CSMD1: variants seen among roughly 807,000 people sequenced by gnomAD.
The protein encoded by CSMD1 is CUB and sushi domain-containing protein 1.
CSMD1 carries 213 observed loss-of-function variants against 417.5 expected under a neutral mutation model. The ratio of observed to expected loss-of-function variants is 0.51; its 90% CI spans 0.46 to 0.57. The LOEUF (loss-of-function observed/expected upper bound fraction) is 0.57, where lower values mean the gene tolerates loss of function less well. Ranked by LOEUF, CSMD1 falls within the 20% of genes least tolerant of loss-of-function variation. The pLI is 0.00. For missense variants in CSMD1, 6,923 were observed against 4,529.7 expected (o/e 1.53, Z -15.17); for synonymous variants, 2,862 against 1,736.8 (o/e 1.65, Z -16.11).
chr8:3,934,304 G>A (rs1472515093), intron 5 of CSMD1, among the ~76,000 whole-genome samples: 1 of 152,050 alleles, frequency 6.6e-6, no homozygotes, highest in Admixed American at 6.6e-5. Context: ...TGCCTACTAT[G>A]TATAAATGAA....
intron 3 of CSMD1, among the ~76,000 whole-genome samples, chr8:4,307,719 G>C (rs953879156): frequency 6.6e-6 from 1 of 152,166 alleles, no homozygotes; most frequent in African/African-American, 2.4e-5. Flanking sequence ...TCTTGACCAT[G>C]AGTGGGAATG....
chr8:4,457,003 C>G (rs1328985620), intron 2 of CSMD1, among the ~76,000 whole-genome samples: 1 of 132,332 alleles, frequency 7.6e-6, no homozygotes, highest in East Asian at 2.3e-4. Context: ...AAAAAAACAA[C>G]AAGAAAAGAA....
At chr8:4,714,604 T>C (rs1159766143) in intron 1 of CSMD1, among the ~76,000 whole-genome samples, 1 of 150,302 alleles carries the variant, frequency 6.7e-6, no homozygotes, top group African/African-American at 2.5e-5. Context: ...ACAGCTGAGA[T>C]TCAAATTCAC....
intron 2 of CSMD1, among the ~76,000 whole-genome samples, chr8:4,498,823 G>T (rs1379662919): frequency 6.6e-6 from 1 of 152,022 alleles, no homozygotes; most frequent in African/African-American, 2.4e-5. Context: ...CTGGAGACTT[G>T]GCAGCTAAGG....
At chr8:3,876,814 G>A (rs1023033729) in intron 5 of CSMD1, among the ~76,000 whole-genome samples, 3 of 152,168 alleles carry the variant, frequency 2.0e-5, no homozygotes, top group Admixed American at 6.5e-5. Flanking sequence ...GTTTCACCAT[G>A]TTGCCCAAGG....
chr8:3,758,355 G>A (rs918232799), intron 5 of CSMD1, among the ~76,000 whole-genome samples: 1 of 152,188 alleles, frequency 6.6e-6, no homozygotes, highest in Non-Finnish European at 1.5e-5. Flanking sequence ...CAAATGAATT[G>A]TACCCCGAAG....
chr8:3,058,318 C>T (rs1229538166), intron 49 of CSMD1, among the ~76,000 whole-genome samples: 1 of 152,140 alleles, frequency 6.6e-6, no homozygotes, highest in Non-Finnish European at 1.5e-5. Flanking sequence ...AATGCTGCTT[C>T]AACAGATCTG....
At chr8:3,334,778 G>A (rs1238870357) in intron 23 of CSMD1, among the ~76,000 whole-genome samples, 1 of 152,168 alleles carries the variant, frequency 6.6e-6, no homozygotes, top group Non-Finnish European at 1.5e-5. Context: ...AGTAAGTAGA[G>A]TGGGACTTCC....
At position 3,162,237 on chromosome 8, in the gene CSMD1, G is replaced by A; in HGVS notation, c.5766C>T (p.Ser1922=). The A allele has an allele frequency of 1.9e-6, 3 of 1,610,908 alleles. No individual in the cohort carries two copies. The highest frequency in any genetic ancestry group is 2.5e-6 in the Non-Finnish European group (3 of 1,178,598). The change falls in exon 38 of 70, where the codon AGC becomes AGT. Residue 1922 remains serine, a synonymous_variant. Coordinates refer to ENST00000635120, the MANE Select transcript of CSMD1 (RefSeq NM_033225.6). ...ACCGATCTCCGATTTTGATGCTGTT[G>A]CTGGGGAGGGCTGGTTCTTGGCATG... ...LAACQEPALP[S]NSIKIGDRYM... is the part of the protein sequence containing the mutation.
intron 3 of CSMD1, among the ~76,000 whole-genome samples, chr8:4,397,793 A>G (rs1463006704): frequency 1.3e-5 from 2 of 152,152 alleles, no homozygotes; most frequent in African/African-American, 4.8e-5. Context: ...ATGTATCTCA[A>G]TATTACATGC....
At chr8:4,764,627 G>T (rs1466748441) in intron 1 of CSMD1, among the ~76,000 whole-genome samples, 1 of 151,178 alleles carries the variant, frequency 6.6e-6, no homozygotes, top group South Asian at 2.1e-4. Context: ...TTGTCTACTG[G>T]ATTTAGATAA....
At chr8:4,619,100 C>G (rs970662695) in intron 2 of CSMD1, among the ~76,000 whole-genome samples, 5 of 152,020 alleles carry the variant, frequency 3.3e-5, no homozygotes, top group African/African-American at 1.2e-4. Context: ...TAATAAATAT[C>G]CTGGTTGAAT....
At chr8:3,320,367 G>A (rs1001105822) in intron 23 of CSMD1, among the ~76,000 whole-genome samples, 3 of 152,024 alleles carry the variant, frequency 2.0e-5, no homozygotes, top group African/African-American at 7.2e-5. Flanking sequence ...ACTGCTTATT[G>A]CTTGGCTCCC....
chr8:3,268,561 C>G (rs1204146511), intron 26 of CSMD1, among the ~76,000 whole-genome samples: 2 of 152,038 alleles, frequency 1.3e-5, no homozygotes, highest in Admixed American at 1.3e-4. Flanking sequence ...GCTGGGATTA[C>G]AGGCGTGAGC....
intron 5 of CSMD1, among the ~76,000 whole-genome samples, chr8:3,961,670 A>C (rs1164623610): frequency 1.3e-5 from 2 of 152,210 alleles, no homozygotes; most frequent in African/African-American, 4.8e-5. Context: ...ATAATAAATA[A>C]AGTGAAAGCA....
chr8:3,480,445 G>C (rs1464397461), intron 11 of CSMD1, among the ~76,000 whole-genome samples: 1 of 151,982 alleles, frequency 6.6e-6, no homozygotes, highest in African/African-American at 2.4e-5. Flanking sequence ...AATACACATA[G>C]AAAAAAGAAT....
intron 19 of CSMD1, among the ~76,000 whole-genome samples, chr8:3,367,923 T>C (rs1442158585): frequency 6.6e-6 from 1 of 152,186 alleles, no homozygotes; most frequent in Non-Finnish European, 1.5e-5. Flanking sequence ...TTCAATTTAC[T>C]CTAAACAGGT....
At position 3,476,947 on chromosome 8, in the gene CSMD1, T is replaced by G. The variant is rs1036790687; in HGVS notation, c.1449-8123A>C. Among the ~76,000 whole-genome samples the G allele has an allele frequency of 5.3e-4, 80 of 149,712 alleles. 1 individual carries two copies. The highest frequency in any genetic ancestry group is 1.7e-3 in the African/African-American group (71 of 40,720). ...AAAAAAAAAAATGTGAATCAGTAAG[T>G]AGTTCAGGGTTTAAGTTGGGGGAGC... On this transcript the variant is annotated intron_variant, in intron 11 of 69. Coordinates refer to ENST00000635120, the MANE Select transcript of CSMD1 (RefSeq NM_033225.6).
At chr8:4,611,643 G>A (rs1391619650) in intron 2 of CSMD1, among the ~76,000 whole-genome samples, 1 of 152,036 alleles carries the variant, frequency 6.6e-6, no homozygotes, top group African/African-American at 2.4e-5. Flanking sequence ...AAGTCATTTT[G>A]TTAAGAGAAA....
Sources: allele counts gnomAD v4.1 joint callset (sites outside exome capture counted in the v4.1 genomes callset), GRCh38; gene constraint gnomAD v4.1.1; transcripts MANE v1.5; gene names NCBI Gene and HGNC (gene_info 2026-07-23, HGNC 2026-07-21).